WWTR1: variants seen among roughly 807,000 people sequenced by gnomAD.
WWTR1 encodes the protein WW domain containing transcription regulator 1.
WWTR1 carries 13 observed loss-of-function variants against 40.1 expected under a neutral mutation model. The observed-to-expected ratio is 0.32, with a 90% confidence interval of 0.21 to 0.52. The LOEUF is 0.52. Ranked by LOEUF, WWTR1 falls within the 20% of genes least tolerant of loss-of-function variation. The probability of loss-of-function intolerance (pLI) is 0.97; values close to 1 mark genes in which losing one functional copy is unlikely to be tolerated. For missense variants in WWTR1, 436 were observed against 523.1 expected, an observed-to-expected ratio of 0.83 and a Z score of 1.63; for synonymous variants, 230 against 210.1, an observed-to-expected ratio of 1.09 and a Z score of -0.82.
intron 3 of WWTR1, among the ~76,000 whole-genome samples, chr3:149,570,752 A>C (rs1288425907): frequency 6.6e-6 from 1 of 152,194 alleles, no homozygotes; most frequent in East Asian, 1.9e-4. Context: ...ATATGCATGC[A>C]TGTATGCACA....
intron 2 of WWTR1, among the ~76,000 whole-genome samples, chr3:149,601,173 ATATTT>A (rs1739226436): frequency 6.6e-6 from 1 of 152,150 alleles, no homozygotes; most frequent in Non-Finnish European, 1.5e-5. Flanking sequence ...AGGTAGATGC[ATATTT>A]TATAATTTTT....
chr3:149,518,326 C>A lies in WWTR1; in HGVS notation c.*2479G>T, dbSNP rs1734886571. On this transcript the variant is annotated 3_prime_UTR_variant, in exon 7 of 7. Transcript: ENST00000360632. ...GGTAATATAAATCATCAATGATTTA[C>A]CTACTTTAAAAAAGAGGGGTATCTG... 1 of 151,856 alleles carries A rather than the reference C, an allele frequency of 6.6e-6. No individual in the cohort carries two copies. The allele number at this position is 151,856 out of a possible 1,614,324, so 9.4% of individuals were successfully genotyped here.
chr3:149,678,603 C>A (rs1230105182), intron 1 of WWTR1, among the ~76,000 whole-genome samples: 1 of 152,170 alleles, frequency 6.6e-6, no homozygotes, highest in East Asian at 1.9e-4. Flanking sequence ...CCAAGCCCTA[C>A]CCTGCCACTG....
At chr3:149,695,542 C>T (rs147930309) in intron 1 of WWTR1, among the ~76,000 whole-genome samples, 236 of 150,752 alleles carry the variant, frequency 1.6e-3, no homozygotes, top group African/African-American at 5.0e-3. Flanking sequence ...AGGCGAATCA[C>T]TTGAGGTCAG....
At chr3:149,696,112 CAAA>C (rs368629673) in intron 1 of WWTR1, among the ~76,000 whole-genome samples, 2 of 77,138 alleles carry the variant, frequency 2.6e-5, no homozygotes, top group Admixed American at 1.7e-4. Context: ...GACTCTGTCT[CAAA>C]AAAAAAAAAA....
At chr3:149,535,206 T>C (rs112656763) in intron 4 of WWTR1, among the ~76,000 whole-genome samples, 6 of 149,152 alleles carry the variant, frequency 4.0e-5, no homozygotes, top group African/African-American at 1.0e-4. Flanking sequence ...GTTTTAATTA[T>C]AAAGGGTGGG....
At chr3:149,583,245 C>A (rs1439530820) in intron 2 of WWTR1, among the ~76,000 whole-genome samples, 1 of 152,200 alleles carries the variant, frequency 6.6e-6, no homozygotes, top group Non-Finnish European at 1.5e-5. Context: ...GGATGACAGG[C>A]ATGAGCCACC....
intron 3 of WWTR1, among the ~76,000 whole-genome samples, chr3:149,554,848 A>G (rs1273494261): frequency 6.6e-6 from 1 of 152,226 alleles, no homozygotes; most frequent in Non-Finnish European, 1.5e-5. Context: ...ATTTAGAAAA[A>G]CAATTATCTA....
chr3:149,565,982 C>T (rs1370766109), intron 3 of WWTR1, among the ~76,000 whole-genome samples: 1 of 151,212 alleles, frequency 6.6e-6, no homozygotes, highest in Non-Finnish European at 1.5e-5. Context: ...AGAAGGTAGC[C>T]TTCAATAATG....
chr3:149,526,250 G>A (rs1389837250), intron 5 of WWTR1, 125 bp from the exon 6 acceptor site: 1 of 547,470 alleles, frequency 1.8e-6, no homozygotes, highest in Non-Finnish European at 3.0e-6. Flanking sequence ...CCAGGTTAGG[G>A]AGGAAGGAAA....
In WWTR1 at chr3:149,526,025, C is replaced by T; in HGVS notation, c.1006G>A (p.Glu336Lys). Residue 336 changes from glutamate (E) to lysine (K), a missense_variant, in exon 6 of 7, where the codon GAG (glutamate) becomes AAG (lysine). Physicochemically the swap from Glu to Lys is moderately conservative, Grantham distance 56. Transcript: ENST00000360632. ...GCTTTGCTCCTACCTGTATCCATCT[C>T]ATCCACATTGCTGAGGAAGTCCTCC... ...TPEDFLSNVD[E>K]MDTGENAGQT... 3 of 1,602,382 alleles carry T rather than the reference C, an allele frequency of 1.9e-6. No individual in the cohort carries two copies. The highest frequency in any genetic ancestry group is 2.6e-6 in the Non-Finnish European group (3 of 1,174,076).
At chr3:149,687,679 A>G (rs1714698157) in intron 1 of WWTR1, among the ~76,000 whole-genome samples, 2 of 152,212 alleles carry the variant, frequency 1.3e-5, no homozygotes, top group Non-Finnish European at 2.9e-5. Context: ...GTTCTCACCT[A>G]TGGTGGCCAT....
At chr3:149,685,810 TA>T (rs1245945862) in intron 1 of WWTR1, among the ~76,000 whole-genome samples, 1 of 152,230 alleles carries the variant, frequency 6.6e-6, no homozygotes, top group Non-Finnish European at 1.5e-5. Flanking sequence ...TTCCAGTTTG[TA>T]AATTTACTTC....
chr3:149,581,295 C>T (rs142354966), intron 2 of WWTR1, among the ~76,000 whole-genome samples: 1 of 151,820 alleles, frequency 6.6e-6, no homozygotes, highest in East Asian at 1.9e-4. Context: ...CCAATGTGCA[C>T]AGCTGACACA....
chr3:149,676,190 A>C (rs1212708370), intron 1 of WWTR1, among the ~76,000 whole-genome samples: 2 of 152,176 alleles, frequency 1.3e-5, no homozygotes, highest in Non-Finnish European at 2.9e-5. Context: ...TGTCCTTGTC[A>C]ACCTATTTTT....
chr3:149,529,240 C>T (rs965757913), intron 4 of WWTR1, among the ~76,000 whole-genome samples: 1 of 152,178 alleles, frequency 6.6e-6, no homozygotes, highest in Non-Finnish European at 1.5e-5. Flanking sequence ...GCAAACAGAA[C>T]ATTTAGGACT....
chr3:149,709,491 C>CTT (rs1192802782), intron 5 of WWTR1, among the ~76,000 whole-genome samples: 1 of 152,068 alleles, frequency 6.6e-6, no homozygotes, highest in Non-Finnish European at 1.5e-5. Context: ...TATTATTTTA[C>CTT]AAGGAACAGA....
chr3:149,711,839 C>A (rs182658324), intron 5 of WWTR1, among the ~76,000 whole-genome samples: 1 of 152,320 alleles, frequency 6.6e-6, no homozygotes, highest in East Asian at 1.9e-4. Context: ...CTCTGACCAC[C>A]CAATCTAAAG....
intron 2 of WWTR1, among the ~76,000 whole-genome samples, chr3:149,607,856 G>C (rs998869353): frequency 2.0e-5 from 3 of 152,140 alleles, no homozygotes; most frequent in Non-Finnish European, 4.4e-5. Flanking sequence ...TTTCCCAAGA[G>C]ATAACTGAAA....
Sources: gnomAD v4.1 joint callset for allele counts (sites outside exome capture counted in the v4.1 genomes callset) on GRCh38, gnomAD v4.1.1 for gene constraint, MANE v1.5 for transcripts, NCBI Gene and HGNC (gene_info 2026-07-23, HGNC 2026-07-21) for gene names.